Variants in STXBP5L observed in about 807,000 individuals in gnomAD.
The protein encoded by STXBP5L is syntaxin-binding protein 5-like.
Under a neutral mutation model 144.5 loss-of-function variants are expected in STXBP5L, and 65 were observed. The ratio of observed to expected loss-of-function variants is 0.45; its 90% confidence interval spans 0.37 to 0.55. The LOEUF (loss-of-function observed/expected upper bound fraction) is 0.55, where lower values mean the gene tolerates loss of function less well. STXBP5L is among the 20% of genes least tolerant of loss of function. The pLI, the probability that STXBP5L is intolerant of heterozygous loss-of-function variation, is 0.00. For missense variants in STXBP5L, 1,298 were observed against 1,405.5 expected, an observed-to-expected ratio of 0.92 and a Z score of 1.22; for synonymous variants, 505 against 469.6, an observed-to-expected ratio of 1.08 and a Z score of -0.97.
At chr3:120,926,371 T>TA (rs1553745846) in intron 2 of STXBP5L, among the ~76,000 whole-genome samples, 1 of 151,278 alleles carries the variant, frequency 6.6e-6, no homozygotes, top group Non-Finnish European at 1.5e-5. Context: ...TTTTTTTTTT[T>TA]CTTTCACCAC....
Position 121,284,246 on chromosome 3 carries a change from G to T in STXBP5L, c.2110+4290G>T, listed in dbSNP as rs371876831. Reference sequence around the variant, plus strand: ...TAATTTCTATCAACAACCTCAAATGGATTTTCTACTATTCTCCTCTTAAGC... The same window carrying T: ...TAATTTCTATCAACAACCTCAAATGTATTTTCTACTATTCTCCTCTTAAGC... On this transcript the variant is annotated intron_variant, in intron 19 of 26. Transcript: ENST00000471454. Among the ~76,000 whole-genome samples, 469 of 151,730 alleles carry T rather than the reference G, an allele frequency of 3.1e-3. 1 individual carries two copies. Among genetic ancestry groups the T allele is most frequent in the Middle Eastern group, 0.01 (3 of 294 alleles).
At chr3:121,027,485 A>T (rs555059757) in intron 3 of STXBP5L, among the ~76,000 whole-genome samples, 4 of 152,166 alleles carry the variant, frequency 2.6e-5, no homozygotes, top group African/African-American at 4.8e-5. Context: ...TTCTTTCTGG[A>T]GGCTGTAGGG....
chr3:121,008,426 C>T (rs1944514586), intron 3 of STXBP5L, among the ~76,000 whole-genome samples: 1 of 151,934 alleles, frequency 6.6e-6, no homozygotes, highest in African/African-American at 2.4e-5. Flanking sequence ...TTTATATAGA[C>T]AGGAAGTGCA....
At chr3:121,066,474 T>G (rs1274253500) in intron 5 of STXBP5L, among the ~76,000 whole-genome samples, 1 of 151,832 alleles carries the variant, frequency 6.6e-6, no homozygotes, top group Non-Finnish European at 1.5e-5. Flanking sequence ...GAGCATGTAA[T>G]TTTTCCCTTT....
intron 3 of STXBP5L, among the ~76,000 whole-genome samples, chr3:120,984,449 A>C (rs991633441): frequency 1.3e-5 from 2 of 151,848 alleles, no homozygotes; most frequent in African/African-American, 4.8e-5. Flanking sequence ...TGATACCCTG[A>C]GATCTCCTGC....
chr3:121,252,110 A>T (rs990402580), intron 15 of STXBP5L, among the ~76,000 whole-genome samples: 4 of 152,122 alleles, frequency 2.6e-5, no homozygotes, highest in African/African-American at 9.7e-5. Flanking sequence ...CTGTAATCCT[A>T]GCACTTTGGG....
chr3:120,909,912 T>G, intron 2 of STXBP5L, 145 bp downstream of exon 2: 1 of 819,332 alleles, frequency 1.2e-6, no homozygotes, highest in Non-Finnish European at 1.8e-6. Flanking sequence ...GTAGATCAGT[T>G]TGGCTTAATA....
At chr3:121,149,981 G>T (rs1168317683) in intron 7 of STXBP5L, among the ~76,000 whole-genome samples, 1 of 151,916 alleles carries the variant, frequency 6.6e-6, no homozygotes, top group Non-Finnish European at 1.5e-5. Context: ...AGATTCATCT[G>T]TGTCTTGTGA....
At chr3:120,946,869 G>T (rs1710885644) in intron 2 of STXBP5L, among the ~76,000 whole-genome samples, 2 of 151,788 alleles carry the variant, frequency 1.3e-5, no homozygotes, top group South Asian at 2.1e-4. Context: ...AAGTCATTTT[G>T]TTTCCGGTAG....
chr3:120,983,631 C>A (rs1233030924), intron 3 of STXBP5L, among the ~76,000 whole-genome samples: 1 of 152,018 alleles, frequency 6.6e-6, no homozygotes, highest in African/African-American at 2.4e-5. Flanking sequence ...ATCCTGGAGG[C>A]CTGGGAGGAC....
intron 5 of STXBP5L, among the ~76,000 whole-genome samples, chr3:121,084,277 A>G (rs957000080): frequency 6.6e-6 from 1 of 152,162 alleles, no homozygotes; most frequent in Non-Finnish European, 1.5e-5. Context: ...AACTTGTGCC[A>G]TGTTGGCTTG....
chr3:120,991,728 G>A (rs968528097), intron 3 of STXBP5L, among the ~76,000 whole-genome samples: 11 of 151,584 alleles, frequency 7.3e-5, no homozygotes, highest in East Asian at 5.8e-4. Flanking sequence ...ACCAAACACC[G>A]CATGTTCTCA....
Position 121,041,750 on chromosome 3 carries a change from C to T in STXBP5L, c.338C>T (p.Ala113Val). 2 of 1,612,712 alleles carry T rather than the reference C, an allele frequency of 1.2e-6. No homozygotes were observed. The highest frequency in any genetic ancestry group is 2.2e-5 in the South Asian group (2 of 91,044). The change falls in exon 4 of 27, where the codon GCT becomes GTT. Residue 113 changes from alanine (A) to valine (V), a missense_variant. Transcript: ENST00000471454. Reference sequence around the variant, plus strand: ...TATTGCCAACATGAAAGTGGTGCAGCTGTCCTACAGCTCCAATTTTTGATC... The same window carrying T: ...TATTGCCAACATGAAAGTGGTGCAGTTGTCCTACAGCTCCAATTTTTGATC... ...DCYCQHESGAAVLQLQFLINE... is the reference protein window; with the variant it reads ...DCYCQHESGAVVLQLQFLINE...
At chr3:120,950,433 T>G (rs1000725745) in intron 2 of STXBP5L, among the ~76,000 whole-genome samples, 1 of 152,096 alleles carries the variant, frequency 6.6e-6, no homozygotes, top group African/African-American at 2.4e-5. Flanking sequence ...TTTGTATAAG[T>G]TTTGAAATAG....
chr3:121,407,133 G>A, intron 22 of STXBP5L, 110 bp from the exon 23 acceptor site: 1 of 1,298,778 alleles, frequency 7.7e-7, no homozygotes, highest in Non-Finnish European at 1.0e-6. Context: ...TATACATTAG[G>A]GCAATATTAT....
At chr3:121,169,049 A>G (rs1005372539) in intron 9 of STXBP5L, among the ~76,000 whole-genome samples, 3 of 152,210 alleles carry the variant, frequency 2.0e-5, no homozygotes, top group East Asian at 1.9e-4. Context: ...ATTCTTAAAG[A>G]AAAGAATTTT....
intron 20 of STXBP5L, among the ~76,000 whole-genome samples, chr3:121,372,855 A>T (rs754593637): frequency 6.6e-6 from 1 of 152,130 alleles, no homozygotes; most frequent in Non-Finnish European, 1.5e-5. Context: ...TTGCAGAAGG[A>T]TACTGAAAGA....
chr3:121,004,112 T>C (rs1177601281), intron 3 of STXBP5L, among the ~76,000 whole-genome samples: 1 of 152,202 alleles, frequency 6.6e-6, no homozygotes, highest in Non-Finnish European at 1.5e-5. Context: ...TTGATGGGGA[T>C]GGCACTGAAT....
intron 20 of STXBP5L, among the ~76,000 whole-genome samples, chr3:121,351,620 T>A (rs947980878): frequency 6.6e-6 from 1 of 152,148 alleles, no homozygotes; most frequent in African/African-American, 2.4e-5. Flanking sequence ...ATTGCAAAAA[T>A]TTTCTCCCAT....
Sources: gnomAD v4.1 joint callset for allele counts (sites outside exome capture counted in the v4.1 genomes callset) on GRCh38, gnomAD v4.1.1 for gene constraint, MANE v1.5 for transcripts, NCBI Gene and HGNC (gene_info 2026-07-23, HGNC 2026-07-21) for gene names.